The following ABHD6 variants were observed in gnomAD, a reference collection of about 807,000 sequenced individuals.
ABHD6 encodes the protein abhydrolase domain containing 6, acylglycerol lipase.
A neutral mutation model predicts 38.8 loss-of-function variants in ABHD6; 33 were observed. The observed-to-expected ratio is 0.85, with a 90% CI of 0.64 to 1.14. The LOEUF is 1.14. Among genes scored for constraint, ABHD6 ranks in the 50% most tolerant of loss-of-function variants. The pLI, the probability that ABHD6 is intolerant of heterozygous loss-of-function variation, is 0.00. For missense variants in ABHD6, 380 were observed against 422.6 expected (o/e 0.90, Z 0.88); for synonymous variants, 147 against 161.6 (o/e 0.91, Z 0.69).
At chr3:58,253,185 T>A (rs1400661621) in intron 2 of ABHD6, among the ~76,000 whole-genome samples, 1 of 151,292 alleles carries the variant, frequency 6.6e-6, no homozygotes, top group Non-Finnish European at 1.5e-5. Context: ...TTTTTGATGA[T>A]CATGCCTTCA....
chr3:58,292,480 C>G (rs1413321721), intron 9 of ABHD6, among the ~76,000 whole-genome samples: 2 of 152,072 alleles, frequency 1.3e-5, no homozygotes, highest in African/African-American at 2.4e-5. Context: ...GCTGGGAACC[C>G]AGAGGAAAAG....
chr3:58,245,992 C>G (rs965903369), intron 1 of ABHD6, among the ~76,000 whole-genome samples: 5 of 152,166 alleles, frequency 3.3e-5, no homozygotes, highest in African/African-American at 1.2e-4. Context: ...ATTTTAATTC[C>G]TTTCAGCCAT....
intron 7 of ABHD6, among the ~76,000 whole-genome samples, chr3:58,275,669 G>A (rs1020172913): frequency 4.6e-5 from 7 of 152,050 alleles, no homozygotes; most frequent in African/African-American, 1.7e-4. Context: ...TATACTTTAA[G>A]TTCTAGGGTG....
At chr3:58,241,811 G>C (rs2097423031) in intron 1 of ABHD6, among the ~76,000 whole-genome samples, 1 of 152,234 alleles carries the variant, frequency 6.6e-6, no homozygotes, top group African/African-American at 2.4e-5. Flanking sequence ...CAGCAGTGCA[G>C]AGTGAATGCT....
intron 9 of ABHD6, among the ~76,000 whole-genome samples, chr3:58,286,582 A>G (rs1198968451): frequency 6.6e-6 from 1 of 151,918 alleles, no homozygotes; most frequent in Admixed American, 6.6e-5. Flanking sequence ...TTATAGTATA[A>G]AAGCAGCCAT....
At chr3:58,278,636 C>G (rs2097450598) in intron 7 of ABHD6, among the ~76,000 whole-genome samples, 1 of 152,164 alleles carries the variant, frequency 6.6e-6, no homozygotes, top group Non-Finnish European at 1.5e-5. Context: ...TTCTTGCCTT[C>G]TGCTGGCTTT....
At chr3:58,264,328 A>T (rs1011987179) in intron 3 of ABHD6, among the ~76,000 whole-genome samples, 5 of 151,576 alleles carry the variant, frequency 3.3e-5, no homozygotes, top group African/African-American at 4.8e-5. Context: ...AAGATTCTTG[A>T]TATTTTATGC....
In ABHD6 at chr3:58,259,504, A is replaced by G. The variant is rs2097435582; in HGVS notation, c.119+2799A>G. On this transcript the variant is annotated intron_variant, in intron 3 of 9. Coordinates refer to ENST00000478253, the MANE Select transcript of ABHD6 (RefSeq NM_001320126.2). The surrounding 1 kb of genome is among the most constrained non-coding windows in gnomAD (Gnocchi z 4.7). ...AGACCAGCCTGGCCAACATGGCGAA[A>G]CCCCGTCTCTACTAAAAATACAAAA... is the stretch of plus-strand genomic sequence containing the variant. 1.3e-5 allele frequency among the ~76,000 whole-genome samples: 2 copies of G among 152,126 alleles called. No individual in the cohort carries two copies. The highest frequency in any genetic ancestry group is 2.9e-5 in the Non-Finnish European group (2 of 68,026).
In ABHD6 at chr3:58,285,433, A is replaced by T; in HGVS notation, c.817A>T (p.Ile273Phe). 6.2e-7 allele frequency: 1 copy of T among 1,614,110 alleles called. No individual in the cohort carries two copies. Among genetic ancestry groups the T allele is most frequent in the East Asian group, 2.2e-5 (1 of 44,890 alleles). The change falls in exon 9 of 10, where the codon ATC becomes TTC. Residue 273 changes from isoleucine to phenylalanine, a missense_variant. Physicochemically the swap from Ile to Phe is conservative, Grantham distance 21 (BLOSUM62 0). Coordinates refer to ENST00000478253, the MANE Select transcript of ABHD6 (RefSeq NM_001320126.2). The surrounding 1 kb of genome is among the most constrained non-coding windows in gnomAD (Gnocchi z 4.9). ...CAAGATCAAGGTTCCGACGCAGATC[A>T]TCTGGGGGAAACAAGACCAGGTATG... ...MDKIKVPTQI[I>F]WGKQDQVLDV...
chr3:58,280,962 T>C lies in ABHD6; in HGVS notation c.682-4123T>C, dbSNP rs187281788. Reference sequence around the variant, plus strand: ...AAATATTGCTGCCTGATCCTTCCTCTGGAAGCTTTGTCTCAGAGGGGCACC... The same window carrying C: ...AAATATTGCTGCCTGATCCTTCCTCCGGAAGCTTTGTCTCAGAGGGGCACC... On this transcript the variant is annotated intron_variant, in intron 7 of 9. Coordinates refer to ENST00000478253, the MANE Select transcript of ABHD6 (RefSeq NM_001320126.2). Among the ~76,000 whole-genome samples, 287 of 152,282 alleles carry C rather than the reference T, an allele frequency of 1.9e-3. 2 individuals carry two copies. Among genetic ancestry groups the C allele is most frequent in the Non-Finnish European group, 2.5e-3 (170 of 68,014 alleles).
At chr3:58,271,163 A>G in intron 6 of ABHD6, 99 bp downstream of exon 6, 1 of 1,347,552 alleles carries the variant, frequency 7.4e-7, no homozygotes, top group Non-Finnish European at 9.9e-7. Context: ...CATCTTTTTG[A>G]TGTATGCTTG....
At chr3:58,252,159 G>T (rs1408825281) in intron 2 of ABHD6, among the ~76,000 whole-genome samples, 1 of 150,932 alleles carries the variant, frequency 6.6e-6, no homozygotes, top group Non-Finnish European at 1.5e-5. Context: ...AGCCATTCAA[G>T]GATGACCATC....
rs1249875345 is a variant in ABHD6, at chr3:58,267,275, G to A, written c.206G>A (p.Gly69Glu). ...TGTTATTCCTTCCGGGGCAGGCCTG[G>A]GCACAAACCCTCCATCCTCATGCTC... The part of the protein sequence containing the change: ...QFCYSFRGRP[G>E]HKPSILMLHG... The change falls in exon 4 of 10, where the codon GGG (glycine) becomes GAG (glutamate). Residue 69 changes from glycine to glutamate, a missense_variant. Gly to Glu is a moderately conservative substitution (Grantham distance 98). Coordinates refer to ENST00000478253, the MANE Select transcript of ABHD6 (RefSeq NM_001320126.2). The surrounding 1 kb of genome is among the most constrained non-coding windows in gnomAD (Gnocchi z 4.3). 6.2e-7 allele frequency: 1 copy of A among 1,614,134 alleles called. No homozygotes were observed. Among genetic ancestry groups the A allele is most frequent in the East Asian group, 2.2e-5 (1 of 44,886 alleles).
intron 3 of ABHD6, among the ~76,000 whole-genome samples, chr3:58,262,808 G>A (rs2097437928): frequency 1.3e-5 from 2 of 152,188 alleles, no homozygotes; most frequent in South Asian, 2.1e-4. Flanking sequence ...GGTGGCTCAC[G>A]CCTGTAATCC....
intron 9 of ABHD6, among the ~76,000 whole-genome samples, chr3:58,286,846 G>GCATATATATATATATATATATATATATA (rs1304640108): frequency 1.1e-5 from 1 of 90,222 alleles, no homozygotes; most frequent in Admixed American, 1.2e-4. Flanking sequence ...GTGTGTGTGT[G>GCATATATATATATATATATATATATATA]TGTGTGTATA....
chr3:58,240,730 A>G (rs1182565148), intron 1 of ABHD6, among the ~76,000 whole-genome samples: 2 of 65,212 alleles, frequency 3.1e-5, no homozygotes, highest in Non-Finnish European at 5.1e-5. Context: ...AAACCTGGGT[A>G]ATTTTTTTTT....
rs2107439591 is a variant in ABHD6, at chr3:58,258,624, G to A, written c.119+1919G>A. The A allele has an allele frequency of 1.9e-5, 4 of 212,382 alleles. No individual in the cohort carries two copies. The South Asian group carries it at 2.2e-4, about 12-fold the overall frequency. 13.2% of individuals were successfully genotyped at this position (212,382 alleles called of 1,614,324 possible). A position where few individuals can be genotyped will look rare whatever the true frequency, so the allele number is the denominator to read the frequency against. ...AGACCTGGTTCCTCTCTGTGCTATA[G>A]GTAAGCCCATTGAGATCTAACTGGG... On this transcript the variant is annotated intron_variant, in intron 3 of 9. Transcript: ENST00000478253.
intron 9 of ABHD6, among the ~76,000 whole-genome samples, chr3:58,292,200 CTT>C (rs1466279444): frequency 1.3e-5 from 2 of 152,190 alleles, no homozygotes; most frequent in Admixed American, 6.5e-5. Flanking sequence ...CTGCAGGACT[CTT>C]TTCCTTGACT....
At chr3:58,264,387 G>GCGCACACA (rs1394136993) in intron 3 of ABHD6, among the ~76,000 whole-genome samples, 4 of 132,324 alleles carry the variant, frequency 3.0e-5, no homozygotes, top group Non-Finnish European at 4.9e-5. Flanking sequence ...TTATATAAAC[G>GCGCACACA]CACACACACA....
Sources: gnomAD v4.1 joint callset for allele counts (sites outside exome capture counted in the v4.1 genomes callset) on GRCh38, gnomAD v4.1.1 for gene constraint, Gnocchi (gnomAD v3.1) non-coding constraint, MANE v1.5 for transcripts, NCBI Gene and HGNC (gene_info 2026-07-23, HGNC 2026-07-21) for gene names.